SMAD2: variants seen among roughly 807,000 people sequenced by gnomAD.
SMAD2 encodes MAD homolog 2.
Under a neutral mutation model 64.4 loss-of-function variants are expected in SMAD2, and 8 were observed. The ratio of observed to expected loss-of-function variants is 0.12; its 90% CI spans 0.07 to 0.22. The LOEUF (loss-of-function observed/expected upper bound fraction) is 0.22. SMAD2 is among the 10% of genes least tolerant of loss of function. SMAD2 has a pLI of 1.00. For synonymous variants in SMAD2, 203 were observed against 195.8 expected (o/e 1.04, Z -0.31); for missense variants, 289 against 561.2 (o/e 0.51, Z 4.90).
At position 47,839,897 on chromosome 18, in the gene SMAD2, A is replaced by G. The variant is rs1913776191; in HGVS notation, c.*1930T>C. ...CCTTAGAGGCTTTCCTTGATGTCCT[A>G]CCTGAAGCATCCCATCTGTTATTCT... On this transcript the variant is annotated 3_prime_UTR_variant, in exon 11 of 11. Transcript: ENST00000262160. 1 of 233,076 alleles carries G rather than the reference A, an allele frequency of 4.3e-6. No individual in the cohort carries two copies. Among genetic ancestry groups the G allele is most frequent in the South Asian group, 1.8e-4 (1 of 5,528 alleles). The allele number at this position is 233,076 out of a possible 1,614,324, so 14.4% of individuals were successfully genotyped here.
chr18:47,852,409 T>C (rs1028977545), intron 6 of SMAD2, among the ~76,000 whole-genome samples: 1 of 152,178 alleles, frequency 6.6e-6, no homozygotes, highest in African/African-American at 2.4e-5. Flanking sequence ...CCATTAAGCA[T>C]GGCATTGGCT....
chr18:47,906,188 C>T (rs1260112649), intron 1 of SMAD2, among the ~76,000 whole-genome samples: 1 of 151,698 alleles, frequency 6.6e-6, no homozygotes, highest in East Asian at 1.9e-4. Flanking sequence ...AAACTGAAAT[C>T]TAAAATGCTC....
At chr18:47,884,820 A>G (rs939930607) in intron 2 of SMAD2, among the ~76,000 whole-genome samples, 2 of 152,154 alleles carry the variant, frequency 1.3e-5, no homozygotes, top group South Asian at 2.1e-4. Context: ...TTCTTAGAAG[A>G]AGGACCAGGT....
At chr18:47,898,887 A>AT (rs5824714) in intron 1 of SMAD2, among the ~76,000 whole-genome samples, 82,278 of 148,892 alleles carry the variant, frequency 0.55, 22,833 homozygotes, top group East Asian at 0.84. Context: ...GCATTCAACA[A>AT]TTTTTTTTTT....
rs149428064 is a variant in SMAD2 at position 47,857,181 on chromosome 18, A to T, written c.731-5854T>A. On this transcript the variant is annotated intron_variant, in intron 6 of 10. Coordinates refer to ENST00000262160, the MANE Select transcript of SMAD2 (RefSeq NM_005901.6). ...GTTGTATAATTTGAAATGCTGTATC[A>T]TAATCTTATGTGTAGAACACTGTTT... Among the ~76,000 whole-genome samples the T allele has an allele frequency of 2.0e-5, 3 of 152,330 alleles. 1 individual carries two copies. Among genetic ancestry groups the T allele is most frequent in the African/African-American group, 7.2e-5 (3 of 41,584 alleles).
chr18:47,866,505 A>G (rs886754655), intron 5 of SMAD2, among the ~76,000 whole-genome samples: 3 of 151,822 alleles, frequency 2.0e-5, no homozygotes, highest in Non-Finnish European at 2.9e-5. Flanking sequence ...CATATACTCA[A>G]AGAACATAAA....
chr18:47,872,441 A>G (rs2031993119), intron 2 of SMAD2, among the ~76,000 whole-genome samples: 2 of 152,212 alleles, frequency 1.3e-5, no homozygotes. Flanking sequence ...GAAAAATACA[A>G]AATTTAAAAA....
chr18:47,927,460 G>A (rs1025835033), intron 1 of SMAD2, among the ~76,000 whole-genome samples: 1 of 152,214 alleles, frequency 6.6e-6, no homozygotes, highest in Non-Finnish European at 1.5e-5. Flanking sequence ...GGAGAATAGG[G>A]CAAGGGACAT....
At chr18:47,845,292 A>C in intron 10 of SMAD2, 48 bp downstream of exon 10, 3 of 1,542,654 alleles carry the variant, frequency 1.9e-6, no homozygotes, top group Non-Finnish European at 2.7e-6. Flanking sequence ...AATGCAATGA[A>C]ACATAATTAC....
Position 47,838,704 on chromosome 18 carries a change from C to G in SMAD2, c.*3123G>C, listed in dbSNP as rs1368139732. ...TCTTTTTAAAGCAATGAAACTCTTT[C>G]CAAAAGAAACCCCATGCAGTTCTTC... On this transcript the variant is annotated 3_prime_UTR_variant, in exon 11 of 11. Coordinates refer to ENST00000262160, the MANE Select transcript of SMAD2 (RefSeq NM_005901.6). 8.6e-6 allele frequency: 2 copies of G among 232,482 alleles called. No homozygotes were observed. Among genetic ancestry groups the G allele is most frequent in the Non-Finnish European group, 1.7e-5 (2 of 117,644 alleles). 14.4% of individuals were successfully genotyped at this position (232,482 alleles called of 1,614,324 possible). A position where few individuals can be genotyped will look rare whatever the true frequency, so the allele number is the denominator to read the frequency against.
intron 1 of SMAD2, among the ~76,000 whole-genome samples, chr18:47,916,657 G>C (rs147821035): frequency 6.6e-6 from 1 of 151,958 alleles, no homozygotes; most frequent in Non-Finnish European, 1.5e-5. Flanking sequence ...GCCCACCTTG[G>C]CCTCCCAAAG....
rs915033887 is a variant in SMAD2, at chr18:47,833,831, T to C, written c.*7996A>G. On this transcript the variant is annotated 3_prime_UTR_variant, in exon 11 of 11. Transcript: ENST00000262160. Reference sequence around the variant, plus strand: ...AGAGCATCAAAGGCCATGTATTTCCTCACAAGAAAAGAAATCTGCAACAAT... The same window carrying C: ...AGAGCATCAAAGGCCATGTATTTCCCCACAAGAAAAGAAATCTGCAACAAT... 9.5e-5 allele frequency: 22 copies of C among 230,708 alleles called. No individual in the cohort carries two copies. The highest frequency in any genetic ancestry group is 1.7e-4 in the Non-Finnish European group (20 of 116,440). The allele number at this position is 230,708 out of a possible 1,614,324, so 14.3% of individuals were successfully genotyped here.
chr18:47,923,991 G>A (rs1355023947), intron 1 of SMAD2, among the ~76,000 whole-genome samples: 1 of 152,190 alleles, frequency 6.6e-6, no homozygotes, highest in Non-Finnish European at 1.5e-5. Context: ...GCTCACGCAT[G>A]TAATCCCAAC....
intron 1 of SMAD2, among the ~76,000 whole-genome samples, chr18:47,925,562 T>C (rs1016124068): frequency 7.2e-5 from 8 of 110,714 alleles, no homozygotes; most frequent in African/African-American, 2.3e-4. Context: ...CGAGCTATCT[T>C]TGAGATGTAA....
At chr18:47,911,417 G>GA (rs528686648) in intron 1 of SMAD2, among the ~76,000 whole-genome samples, 7 of 150,634 alleles carry the variant, frequency 4.6e-5, no homozygotes, top group South Asian at 4.2e-4. Context: ...CCTCGAAACA[G>GA]AAAAAAAATC....
At chr18:47,850,580 T>C (rs1160404680) in intron 7 of SMAD2, among the ~76,000 whole-genome samples, 24 of 26,762 alleles carry the variant, frequency 9.0e-4, no homozygotes, top group Non-Finnish European at 1.0e-3. Flanking sequence ...TATTATATAT[T>C]ATATATATAT....
chr18:47,839,875 T>A lies in SMAD2; in HGVS notation c.*1952A>T. ...GGTGTTAGCTCATGCATCCTTTCCT[T>A]AGAGGCTTTCCTTGATGTCCTACCT... is the stretch of plus-strand genomic sequence containing the variant. On this transcript the variant is annotated 3_prime_UTR_variant, in exon 11 of 11. Coordinates refer to ENST00000262160, the MANE Select transcript of SMAD2 (RefSeq NM_005901.6). 4.3e-6 allele frequency: 1 copy of A among 233,250 alleles called. No homozygotes were observed. Among genetic ancestry groups the A allele is most frequent in the Non-Finnish European group, 8.5e-6 (1 of 118,054 alleles). The allele number at this position is 233,250 out of a possible 1,614,324, so 14.4% of individuals were successfully genotyped here. A position where few individuals can be genotyped will look rare whatever the true frequency, so the allele number is the denominator to read the frequency against.
chr18:47,888,462 A>T (rs2033022932), intron 2 of SMAD2, among the ~76,000 whole-genome samples: 1 of 152,254 alleles, frequency 6.6e-6, no homozygotes, highest in African/African-American at 2.4e-5. Flanking sequence ...CTGAGGCTAA[A>T]GAGCTCATAC....
At chr18:47,849,571 T>G (rs941924570) in intron 7 of SMAD2, among the ~76,000 whole-genome samples, 8 of 151,976 alleles carry the variant, frequency 5.3e-5, no homozygotes, top group African/African-American at 1.5e-4. Flanking sequence ...CTAAAAACCC[T>G]TAGATGTTCA....
Sources: allele counts gnomAD v4.1 joint callset (sites outside exome capture counted in the v4.1 genomes callset), GRCh38; gene constraint gnomAD v4.1.1; transcripts MANE v1.5; gene names NCBI Gene and HGNC (gene_info 2026-07-23, HGNC 2026-07-21).